ACTG1: variants seen among roughly 807,000 people sequenced by gnomAD.
The protein encoded by ACTG1 is actin, cytoplasmic 2.
Under a neutral mutation model 34.3 loss-of-function variants are expected in ACTG1, and 14 were observed. The observed-to-expected ratio is 0.41, with a 90% confidence interval of 0.27 to 0.64. The LOEUF (loss-of-function observed/expected upper bound fraction) is 0.64, where lower values mean the gene tolerates loss of function less well. ACTG1 is among the 30% of genes least tolerant of loss of function. ACTG1 has a pLI of 0.33. For synonymous variants in ACTG1, 422 were observed against 213.9 expected, an observed-to-expected ratio of 1.97 and a Z score of -8.49; for missense variants, 233 against 529.5, an observed-to-expected ratio of 0.44 and a Z score of 5.50.
rs11549224 is a variant in ACTG1, at chr17:81,512,067, G to A, written c.199C>T (p.Leu67=). 5 of 1,614,000 alleles carry A rather than the reference G, an allele frequency of 3.1e-6. No individual in the cohort carries two copies. The highest frequency in any genetic ancestry group is 2.2e-5 in the East Asian group (1 of 44,874). The change falls in exon 3 of 6, where the codon CTG becomes TTG. Residue 67 remains leucine, a synonymous_variant. Transcript: ENST00000573283. ...ATGCCATGCTCAATGGGGTACTTCA[G>A]GGTCAGGATGCCACGCTTGCTCTGG... ...EAQSKRGILT[L]KYPIEHGIVT... is the part of the protein sequence containing the mutation.
At chr17:81,512,572 A>G (rs2031884033) in intron 1 of ACTG1, 162 bp downstream of exon 1, 2 of 746,858 alleles carry the variant, frequency 2.7e-6, no homozygotes, top group South Asian at 3.4e-5. Context: ...CCCGCCCTGG[A>G]CCCCCGGCGC....
In ACTG1 at chr17:81,510,666, A is replaced by C. The variant is rs782067799; in HGVS notation, c.*24T>G. The C allele has an allele frequency of 6.2e-7, 1 of 1,613,536 alleles. No homozygotes were observed. On this transcript the variant is annotated 3_prime_UTR_variant, in exon 6 of 6. Transcript: ENST00000573283. ...TATTCTCAATTAACCCATGCAGCAA[A>C]TGCTACGCATCTGCTGAGTCCGTTT... is the stretch of plus-strand genomic sequence containing the variant.
At chr17:81,511,813 C>T (rs782381475) in intron 3 of ACTG1, 90 bp downstream of exon 3, 4 of 1,599,272 alleles carry the variant, frequency 2.5e-6, no homozygotes, top group Admixed American at 1.7e-5. Flanking sequence ...CCTGGAACAG[C>T]GAAAGAAACA....
intron 1 of ACTG1, 154 bp from the exon 2 acceptor site, chr17:81,512,514 G>A (rs1309791526): frequency 2.8e-5 from 36 of 1,267,266 alleles, no homozygotes; most frequent in African/African-American, 7.4e-5. Context: ...CGAAGGCCGG[G>A]CCTTTTACGT....
At position 81,510,582 on chromosome 17, in the gene ACTG1, G is replaced by A. The variant is rs782660741; in HGVS notation, c.*108C>T. The A allele has an allele frequency of 7.9e-6, 11 of 1,400,566 alleles. No homozygotes were observed. Among genetic ancestry groups the A allele is most frequent in the East Asian group, 6.8e-5 (3 of 43,848 alleles). 86.8% of individuals were successfully genotyped at this position (1,400,566 alleles called of 1,614,324 possible). A position where few individuals can be genotyped will look rare whatever the true frequency, so the allele number is the denominator to read the frequency against. On this transcript the variant is annotated 3_prime_UTR_variant, in exon 6 of 6. Coordinates refer to ENST00000573283, the MANE Select transcript of ACTG1 (RefSeq NM_001614.5). ...CTTCAAGGACAATTTCTTTTCGAAG[G>A]CTTATTCCAGTTTCGTGAGGCTAGC...
chr17:81,511,903 C>T lies in ACTG1; in HGVS notation c.363G>A (p.Gln121=). 6.2e-7 allele frequency: 1 copy of T among 1,614,144 alleles called. No individual in the cohort carries two copies. Among genetic ancestry groups the T allele is most frequent in the Non-Finnish European group, 8.5e-7 (1 of 1,180,004 alleles). ...AGCACGGGCGTCGGCCGAGCCTCACCTGAGTCATCTTCTCTCTGTTGGCCT... is the reference window on the plus strand; with the variant it reads ...AGCACGGGCGTCGGCCGAGCCTCACTTGAGTCATCTTCTCTCTGTTGGCCT... ...NPKANREKMT[Q]IMFETFNTPA... is the part of the protein sequence containing the mutation. Residue 121 remains glutamine (Q), a splice_region_variant and synonymous_variant, in exon 3 of 6, where the codon CAG becomes CAA. Transcript: ENST00000573283.
chr17:81,510,453 A>G lies in ACTG1; in HGVS notation c.*237T>C, dbSNP rs1883440310. Reference sequence around the variant, plus strand: ...CACGTACTAAAGGTTGAACTCAAAGATATGTACAGGGTATTAAACAAATAC... The same window carrying G: ...CACGTACTAAAGGTTGAACTCAAAGGTATGTACAGGGTATTAAACAAATAC... On this transcript the variant is annotated 3_prime_UTR_variant, in exon 6 of 6. Transcript: ENST00000573283. 4.5e-6 allele frequency: 3 copies of G among 668,380 alleles called. No individual in the cohort carries two copies. The highest frequency in any genetic ancestry group is 8.1e-6 in the Non-Finnish European group (3 of 370,042). The allele number at this position is 668,380 out of a possible 1,614,324, so 41.4% of individuals were successfully genotyped here. A position where few individuals can be genotyped will look rare whatever the true frequency, so the allele number is the denominator to read the frequency against.
rs1555666377 is a variant in ACTG1 at position 81,510,783 on chromosome 17, G to A, written c.1035C>T (p.Ile345=). 6.2e-7 allele frequency: 1 copy of A among 1,613,744 alleles called. No individual in the cohort carries two copies. Among genetic ancestry groups the A allele is most frequent in the South Asian group, 1.1e-5 (1 of 91,068 alleles). The part of the protein sequence containing the change: ...RKYSVWIGGS[I]LASLSTFQQM... ...GCTGGAAGGTGGACAGTGAGGCCAGGATGGAGCCACCGATCCACACCGAGT... is the reference window on the plus strand; with the variant it reads ...GCTGGAAGGTGGACAGTGAGGCCAGAATGGAGCCACCGATCCACACCGAGT... The change falls in exon 6 of 6, where the codon ATC becomes ATT. Residue 345 remains isoleucine, a synonymous_variant. Coordinates refer to ENST00000573283, the MANE Select transcript of ACTG1 (RefSeq NM_001614.5).
rs782059003 is a variant in ACTG1 at position 81,511,936 on chromosome 17, C to T, written c.330G>A (p.Leu110=). The change falls in exon 3 of 6, where the codon CTG becomes CTA. Residue 110 remains leucine, a synonymous_variant. Coordinates refer to ENST00000573283, the MANE Select transcript of ACTG1 (RefSeq NM_001614.5). ...EHPVLLTEAP[L]NPKANREKMT... is the part of the protein sequence containing the mutation. ...TCTTCTCTCTGTTGGCCTTGGGGTT[C>T]AGGGGGGCCTCGGTCAGCAGCACTG... The T allele has an allele frequency of 1.9e-6, 3 of 1,614,098 alleles. No homozygotes were observed. Among genetic ancestry groups the T allele is most frequent in the Non-Finnish European group, 2.5e-6 (3 of 1,180,034 alleles).
Position 81,511,953 on chromosome 17 carries a change from G to A in ACTG1, c.313C>T (p.Leu105=), listed in dbSNP as rs2031823436. Reference sequence around the variant, plus strand: ...TTGGGGTTCAGGGGGGCCTCGGTCAGCAGCACTGGGTGCTCCTCCGGGGCC... The same window carrying A: ...TTGGGGTTCAGGGGGGCCTCGGTCAACAGCACTGGGTGCTCCTCCGGGGCC... ...RVAPEEHPVL[L]TEAPLNPKAN... Residue 105 remains leucine, a synonymous_variant, in exon 3 of 6, where the codon CTG becomes TTG. Coordinates refer to ENST00000573283, the MANE Select transcript of ACTG1 (RefSeq NM_001614.5). 3 of 1,613,978 alleles carry A rather than the reference G, an allele frequency of 1.9e-6. No homozygotes were observed. In the Admixed American group the frequency reaches 5.0e-5, roughly 27 times the overall value.
Position 81,512,794 on chromosome 17 carries a change from A to G in ACTG1, c.-67T>C, listed in dbSNP as rs782321819. 10 of 409,410 alleles carry G rather than the reference A, an allele frequency of 2.4e-5. No individual in the cohort carries two copies. The highest frequency in any genetic ancestry group is 1.5e-4 in the South Asian group (9 of 59,360). The allele number at this position is 409,410 out of a possible 1,614,324, so 25.4% of individuals were successfully genotyped here. A position where few individuals can be genotyped will look rare whatever the true frequency, so the allele number is the denominator to read the frequency against. On this transcript the variant is annotated 5_prime_UTR_variant, in exon 1 of 6. Transcript: ENST00000573283. ...CAGAGTGCGAGAGCTGGCAGCGGCGACTGAGACCGACCGCGGCCTCCCCCG... is the reference window on the plus strand; with the variant it reads ...CAGAGTGCGAGAGCTGGCAGCGGCGGCTGAGACCGACCGCGGCCTCCCCCG...
At position 81,511,277 on chromosome 17, in the gene ACTG1, T is replaced by C. The variant is rs2058823696; in HGVS notation, c.713A>G (p.Lys238Arg). The C allele has an allele frequency of 6.2e-7, 1 of 1,613,852 alleles. No individual in the cohort carries two copies. Among genetic ancestry groups the C allele is most frequent in the Non-Finnish European group, 8.5e-7 (1 of 1,180,034 alleles). ...CTGGCCATCGGGCAGCTCGTAGCTC[T>C]TCTCCAGAGAAGAGGAGGATGCGGC... ...ATAASSSSLE[K>R]SYELPDGQVI... Residue 238 changes from lysine (K) to arginine (R), a missense_variant, in exon 4 of 6, where the codon AAG (lysine) becomes AGG (arginine). Coordinates refer to ENST00000573283, the MANE Select transcript of ACTG1 (RefSeq NM_001614.5).
Position 81,512,002 on chromosome 17 carries a change from G to A in ACTG1, c.264C>T (p.His88=), listed in dbSNP as rs1267523890. 3.1e-6 allele frequency: 5 copies of A among 1,614,008 alleles called. No homozygotes were observed. The highest frequency in any genetic ancestry group is 3.3e-5 in the Admixed American group (2 of 60,014). The change falls in exon 3 of 6, where the codon CAC becomes CAT. Residue 88 remains histidine (H), a synonymous_variant. Coordinates refer to ENST00000573283, the MANE Select transcript of ACTG1 (RefSeq NM_001614.5). ...NWDDMEKIWH[H]TFYNELRVAP... is the part of the protein sequence containing the mutation. Reference sequence around the variant, plus strand: ...CCACGCGCAGCTCGTTGTAGAAGGTGTGGTGCCAGATCTTCTCCATGTCGT... The same window carrying A: ...CCACGCGCAGCTCGTTGTAGAAGGTATGGTGCCAGATCTTCTCCATGTCGT...
Position 81,510,383 on chromosome 17 carries a change from C to T in ACTG1, c.*307G>A. On this transcript the variant is annotated 3_prime_UTR_variant, in exon 6 of 6. Coordinates refer to ENST00000573283, the MANE Select transcript of ACTG1 (RefSeq NM_001614.5). ...CAGACTCACCAAGCCACAGACTTGT[C>T]TTCCACAAGCACGTTCTTACCTTAG... 1 of 487,816 alleles carries T rather than the reference C, an allele frequency of 2.0e-6. No homozygotes were observed. Among genetic ancestry groups the T allele is most frequent in the South Asian group, 1.8e-5 (1 of 56,298 alleles). 30.2% of individuals were successfully genotyped at this position (487,816 alleles called of 1,614,324 possible).
chr17:81,510,825 T>A lies in ACTG1; in HGVS notation c.993A>T (p.Ala331=). Residue 331 remains alanine, a synonymous_variant, in exon 6 of 6, where the codon GCA becomes GCT. Transcript: ENST00000573283. ...ACACCGAGTACTTGCGCTCTGGGGGTGCGATGATCTGCAAAGACAGCCAGG... is the reference window on the plus strand; with the variant it reads ...ACACCGAGTACTTGCGCTCTGGGGGAGCGATGATCTGCAAAGACAGCCAGG... ...APSTMKIKII[A]PPERKYSVWI... 1.2e-6 allele frequency: 2 copies of A among 1,613,610 alleles called. No homozygotes were observed. Among genetic ancestry groups the A allele is most frequent in the Non-Finnish European group, 1.7e-6 (2 of 1,179,930 alleles).
chr17:81,511,324 G>C lies in ACTG1; in HGVS notation c.666C>G (p.Asp222Glu). ...CGGCGGTGGCCATCTCCTGCTCGAA[G>C]TCCAGGGCGACGTAGCACAGCTTCT... ...IKEKLCYVAL[D>E]FEQEMATAAS... The change falls in exon 4 of 6, where the codon GAC becomes GAG. Residue 222 changes from aspartate to glutamate, a missense_variant. Asp to Glu is a conservative substitution (Grantham distance 45). Transcript: ENST00000573283. 1 of 1,613,812 alleles carries C rather than the reference G, an allele frequency of 6.2e-7. No individual in the cohort carries two copies. The highest frequency in any genetic ancestry group is 8.5e-7 in the Non-Finnish European group (1 of 1,180,032).
Position 81,511,182 on chromosome 17 carries a change from A to G in ACTG1, c.802+6T>C. 2 of 1,613,540 alleles carry G rather than the reference A, an allele frequency of 1.2e-6. No homozygotes were observed. The highest frequency in any genetic ancestry group is 1.1e-5 in the South Asian group (1 of 91,074). Reference sequence around the variant, plus strand: ...AGAGTAGAAACCTTTAGCTCACAACACCTACCCAGGAAGGAAGGCTGGAAC... The same window carrying G: ...AGAGTAGAAACCTTTAGCTCACAACGCCTACCCAGGAAGGAAGGCTGGAAC... On this transcript the variant is annotated splice_donor_region_variant and intron_variant, in intron 4 of 5. Transcript: ENST00000573283.
chr17:81,511,149 A>AG, intron 4 of ACTG1, 39 bp downstream of exon 4: 1 of 1,613,788 alleles, frequency 6.2e-7, no homozygotes, highest in Non-Finnish European at 8.5e-7. Flanking sequence ...TGTGTCACCG[A>AG]GGATGTAAGA....
intron 1 of ACTG1, 117 bp downstream of exon 1, chr17:81,512,617 C>T (rs1020841540): frequency 3.6e-6 from 2 of 556,082 alleles, no homozygotes; most frequent in Admixed American, 3.2e-5. Flanking sequence ...CGGCCCACCC[C>T]GCCTTTTGTT....
Sources: allele counts gnomAD v4.1 joint callset, GRCh38; gene constraint gnomAD v4.1.1; transcripts MANE v1.5; gene names NCBI Gene and HGNC (gene_info 2026-07-23, HGNC 2026-07-21).